The following HMBOX1 variants were observed in gnomAD, a reference collection of about 807,000 sequenced individuals.
HMBOX1 encodes homeobox containing 1.
HMBOX1 carries 14 observed loss-of-function variants against 54.5 expected under a neutral mutation model. The ratio of observed to expected loss-of-function variants is 0.26; its 90% CI spans 0.17 to 0.40. The LOEUF is 0.40. Ranked by LOEUF, HMBOX1 falls within the 10% of genes least tolerant of loss-of-function variation. The pLI, the probability that HMBOX1 is intolerant of heterozygous loss-of-function variation, is 1.00. For missense variants in HMBOX1, 332 were observed against 514.4 expected (o/e 0.65, Z 3.43); for synonymous variants, 160 against 181.0 (o/e 0.88, Z 0.93).
chr8:28,991,069 T>C (rs1408095834), intron 4 of HMBOX1, among the ~76,000 whole-genome samples: 1 of 152,206 alleles, frequency 6.6e-6, no homozygotes, highest in Non-Finnish European at 1.5e-5. Context: ...TTGTGTAGAA[T>C]TGGTATTATT....
rs894285623 is a variant in HMBOX1 at position 29,051,327 on chromosome 8, ACT to A, written c.*178_*179del. 3.0e-6 allele frequency: 2 copies of A among 675,240 alleles called. No individual in the cohort carries two copies. The highest frequency in any genetic ancestry group is 5.1e-6 in the Non-Finnish European group (2 of 395,700). The allele number at this position is 675,240 out of a possible 1,614,324, so 41.8% of individuals were successfully genotyped here. A position where few individuals can be genotyped will look rare whatever the true frequency, so the allele number is the denominator to read the frequency against. On this transcript the variant is annotated 3_prime_UTR_variant, in exon 10 of 10. Coordinates refer to ENST00000287701, the MANE Select transcript of HMBOX1 (RefSeq NM_001135726.3). ...CATGGTGCCCTCAGCCTTTGCATAT[ACT>A]CTCTCAGTATTAACTCCCAGTAAAT...
intron 1 of HMBOX1, among the ~76,000 whole-genome samples, chr8:28,960,380 T>G (rs1189817247): frequency 1.3e-5 from 2 of 151,938 alleles, no homozygotes; most frequent in Non-Finnish European, 2.9e-5. Flanking sequence ...TTTTTGTACA[T>G]TTTTCCCTAG....
chr8:29,031,852 A>C (rs1334270570), intron 6 of HMBOX1, among the ~76,000 whole-genome samples: 1 of 152,176 alleles, frequency 6.6e-6, no homozygotes, highest in Non-Finnish European at 1.5e-5. Context: ...TACCAAGTAC[A>C]ATAAGGACAC....
intron 1 of HMBOX1, among the ~76,000 whole-genome samples, chr8:28,914,664 A>G (rs1006914290): frequency 6.6e-6 from 1 of 152,186 alleles, no homozygotes; most frequent in African/African-American, 2.4e-5. Context: ...TCCCTAACCT[A>G]AGTTAGAGGG....
intron 1 of HMBOX1, among the ~76,000 whole-genome samples, chr8:28,948,193 T>G (rs527330819): frequency 1.3e-5 from 2 of 152,360 alleles, no homozygotes; most frequent in South Asian, 4.1e-4. Flanking sequence ...GTCTCTATCT[T>G]CTTTCCCCAC....
chr8:28,915,284 G>A (rs1231762012), intron 1 of HMBOX1, among the ~76,000 whole-genome samples: 8 of 152,058 alleles, frequency 5.3e-5, no homozygotes, highest in Non-Finnish European at 8.8e-5. Flanking sequence ...CTGACTGGGC[G>A]CCGTGGCTCA....
chr8:28,946,882 A>G (rs1209304721), intron 1 of HMBOX1, among the ~76,000 whole-genome samples: 1 of 152,232 alleles, frequency 6.6e-6, no homozygotes, highest in Admixed American at 6.5e-5. Context: ...ATTGTAGTTT[A>G]TAATTATCAT....
At chr8:28,902,596 G>A (rs1313955996) in intron 1 of HMBOX1, among the ~76,000 whole-genome samples, 1 of 152,126 alleles carries the variant, frequency 6.6e-6, no homozygotes, top group Non-Finnish European at 1.5e-5. Context: ...GTCTCTGTGT[G>A]GTCTCTTCAG....
chr8:28,966,215 T>A (rs1269231681), intron 2 of HMBOX1, among the ~76,000 whole-genome samples: 8 of 152,228 alleles, frequency 5.3e-5, no homozygotes, highest in Non-Finnish European at 1.2e-4. Flanking sequence ...TAGGTACATA[T>A]TCAAGTCAGG....
rs544635966 is a variant in HMBOX1, at chr8:28,910,340, G to A, written c.-58+19662G>A. On this transcript the variant is annotated intron_variant, in intron 1 of 9. Coordinates refer to ENST00000287701, the MANE Select transcript of HMBOX1 (RefSeq NM_001135726.3). ...CTGATGGTTGTTTGGGATGTTTCCA[G>A]ATTGGAGGATATTTTTAAAAATGCT... Among the ~76,000 whole-genome samples, 7 of 152,324 alleles carry A rather than the reference G, an allele frequency of 4.6e-5. 1 individual carries two copies. The South Asian group carries it at 1.4e-3, about 32-fold the overall frequency.
chr8:28,896,596 T>C (rs1364812954), intron 1 of HMBOX1, among the ~76,000 whole-genome samples: 1 of 148,766 alleles, frequency 6.7e-6, no homozygotes, highest in Non-Finnish European at 1.5e-5. Context: ...ACTGAATATA[T>C]GACAGTGGTC....
intron 1 of HMBOX1, among the ~76,000 whole-genome samples, chr8:28,941,036 C>T (rs574256274): frequency 6.5e-4 from 99 of 152,226 alleles, no homozygotes; most frequent in Non-Finnish European, 1.2e-3. Context: ...AATTATCTTA[C>T]TATTCATTGT....
chr8:28,976,364 T>G (rs1302834937), intron 3 of HMBOX1, among the ~76,000 whole-genome samples: 1 of 152,234 alleles, frequency 6.6e-6, no homozygotes, highest in African/African-American at 2.4e-5. Context: ...GAGACAAATT[T>G]TAAAAGCCTT....
Position 29,009,595 on chromosome 8 carries a change from A to T in HMBOX1, c.697+413A>T, listed in dbSNP as rs1833963549. 4.8e-6 allele frequency: 5 copies of T among 1,050,316 alleles called. No homozygotes were observed. The South Asian group carries it at 9.6e-5, about 20-fold the overall frequency. The allele number at this position is 1,050,316 out of a possible 1,614,324, so 65.1% of individuals were successfully genotyped here. A position where few individuals can be genotyped will look rare whatever the true frequency, so the allele number is the denominator to read the frequency against. On this transcript the variant is annotated intron_variant, in intron 5 of 9. Transcript: ENST00000287701. ...TAAATTTAATATTTTTATTTAATTC[A>T]TGCTGTACCATATCCAGTGATCTCT... is the stretch of plus-strand genomic sequence containing the variant.
upstream of HMBOX1, chr8:28,890,234 T>A (rs1434575877): frequency 4.9e-6 from 1 of 204,030 alleles, no homozygotes; most frequent in Non-Finnish European, 1.0e-5. Context: ...CGGCTCCGAC[T>A]CCCCTTTCCC....
intron 6 of HMBOX1, among the ~76,000 whole-genome samples, 173 bp downstream of exon 6, chr8:29,019,086 T>C (rs561252228): frequency 1.3e-5 from 2 of 152,206 alleles, no homozygotes; most frequent in Non-Finnish European, 2.9e-5. Context: ...CATCTTAGCA[T>C]TGAGAATTCA....
chr8:28,938,618 T>A (rs1820796504), intron 1 of HMBOX1, among the ~76,000 whole-genome samples: 1 of 151,872 alleles, frequency 6.6e-6, no homozygotes. Context: ...GGCAATTTTT[T>A]TTTTTTTTTG....
intron 3 of HMBOX1, among the ~76,000 whole-genome samples, chr8:28,976,709 C>CTTTTTTTTTTTTTTTTTTT (rs749880362): frequency 7.4e-5 from 10 of 135,792 alleles, no homozygotes; most frequent in East Asian, 2.1e-4. Context: ...TCTTTTTTTT[C>CTTTTTTTTTTTTTTTTTTT]TTTTTTTTTT....
At chr8:29,045,073 A>G (rs1197709200) in intron 6 of HMBOX1, among the ~76,000 whole-genome samples, 1 of 152,238 alleles carries the variant, frequency 6.6e-6, no homozygotes, top group Non-Finnish European at 1.5e-5. Context: ...TATAATAGCC[A>G]CTAGTCACAT....
Sources: allele counts gnomAD v4.1 joint callset (sites outside exome capture counted in the v4.1 genomes callset), GRCh38; gene constraint gnomAD v4.1.1; transcripts MANE v1.5; gene names NCBI Gene and HGNC (gene_info 2026-07-23, HGNC 2026-07-21).